The following TTLL7 variants were observed in gnomAD, a reference collection of about 807,000 sequenced individuals.
The protein encoded by TTLL7 is tubulin tyrosine ligase like 7.
In TTLL7, 53 loss-of-function variants were observed where a neutral mutation model predicts 120.2. That is an observed-to-expected ratio of 0.44 (90% CI 0.35 to 0.55). The LOEUF (loss-of-function observed/expected upper bound fraction) is 0.55. Ranked by LOEUF, TTLL7 falls within the 20% of genes least tolerant of loss-of-function variation. TTLL7 has a pLI of 0.00. For synonymous variants in TTLL7, 353 were observed against 351.7 expected (o/e 1.00, Z -0.04); for missense variants, 803 against 1,054.7 (o/e 0.76, Z 3.31).
chr1:83,964,800 A>G (rs28445286), intron 1 of TTLL7, among the ~76,000 whole-genome samples: 64,696 of 151,970 alleles, frequency 0.43, 15,373 homozygotes, highest in Non-Finnish European at 0.54. Context: ...TGATAAAATT[A>G]TACATGTAAC....
chr1:83,951,932 A>T lies in TTLL7; in HGVS notation c.70T>A (p.Tyr24Asn). 6.2e-7 allele frequency: 1 copy of T among 1,612,734 alleles called. No homozygotes were observed. The highest frequency in any genetic ancestry group is 8.5e-7 in the Non-Finnish European group (1 of 1,179,568). The change falls in exon 3 of 21, where the codon TAT (tyrosine) becomes AAT (asparagine). Residue 24 changes from tyrosine (Y) to asparagine (N), a missense_variant. By Grantham distance (143) the Tyr-to-Asn change is moderately radical. Transcript: ENST00000260505. ...ACTTTCCTTTTCATTGTGCTTTGAT[A>T]AGGTAATTCTGTATTCAAATCCAGG... ...SPLDLNTELP[Y>N]QSTMKRKVRK... is the part of the protein sequence containing the mutation.
chr1:83,984,415 C>T (rs1203999669), intron 1 of TTLL7: 5 of 152,220 alleles, frequency 3.3e-5, no homozygotes, highest in Admixed American at 6.5e-5. Context: ...AATCCCATTA[C>T]TGGATATATA....
chr1:83,981,948 A>G (rs970268657), intron 1 of TTLL7, among the ~76,000 whole-genome samples: 3 of 152,184 alleles, frequency 2.0e-5, no homozygotes, highest in African/African-American at 7.2e-5. Flanking sequence ...CAATACCATC[A>G]ACCAGTAGGC....
intron 18 of TTLL7, among the ~76,000 whole-genome samples, chr1:83,894,170 T>C (rs1201549552): frequency 6.6e-6 from 1 of 152,102 alleles, no homozygotes; most frequent in Non-Finnish European, 1.5e-5. Context: ...CCTTTCTACT[T>C]TCTGTCAATA....
At chr1:83,973,505 G>C (rs758241124) in intron 1 of TTLL7, among the ~76,000 whole-genome samples, 1 of 151,986 alleles carries the variant, frequency 6.6e-6, no homozygotes, top group Non-Finnish European at 1.5e-5. Flanking sequence ...GGTAGTGTCT[G>C]TCCTCCAACT....
chr1:83,977,315 A>T (rs1651579090), intron 1 of TTLL7, among the ~76,000 whole-genome samples: 3 of 152,120 alleles, frequency 2.0e-5, no homozygotes, highest in African/African-American at 7.2e-5. Flanking sequence ...AATTCCGGAG[A>T]CCATATACAC....
chr1:83,995,528 G>A (rs577081993), intron 1 of TTLL7, among the ~76,000 whole-genome samples: 1 of 151,694 alleles, frequency 6.6e-6, no homozygotes, highest in African/African-American at 2.4e-5. Flanking sequence ...ATGATTGGAC[G>A]CTTCCTAAGG....
At chr1:83,882,241 TAATAA>T (rs1374234116) in intron 20 of TTLL7, among the ~76,000 whole-genome samples, 1 of 149,244 alleles carries the variant, frequency 6.7e-6, no homozygotes, top group Non-Finnish European at 1.5e-5. Flanking sequence ...AGTATAATAA[TAATAA>T]AATAAAAATA....
At chr1:83,884,657 G>C in intron 19 of TTLL7, among the ~76,000 whole-genome samples, 1 of 147,416 alleles carries the variant, frequency 6.8e-6, no homozygotes, top group Non-Finnish European at 1.5e-5. Flanking sequence ...CTCACTCATA[G>C]GTGGGAATTG....
intron 18 of TTLL7, among the ~76,000 whole-genome samples, chr1:83,899,490 A>G (rs1169119473): frequency 6.6e-6 from 1 of 151,934 alleles, no homozygotes; most frequent in Non-Finnish European, 1.5e-5. Context: ...TGTAGTTAAG[A>G]CCAGCCCTTT....
At chr1:83,997,855 GTGC>G (rs1370668210) in intron 1 of TTLL7, among the ~76,000 whole-genome samples, 1 of 152,188 alleles carries the variant, frequency 6.6e-6, no homozygotes, top group Non-Finnish European at 1.5e-5. Flanking sequence ...TGCCAAAAAT[GTGC>G]TGAACATCTC....
chr1:83,933,632 T>C lies in TTLL7; in HGVS notation c.1023A>G (p.Arg341=). The change falls in exon 9 of 21, where the codon AGA becomes AGG. Residue 341 remains arginine (R), a synonymous_variant. Coordinates refer to ENST00000260505, the MANE Select transcript of TTLL7 (RefSeq NM_024686.6). ...EVLGFDILLD[R]KLKPWLLEIN... The stretch of plus-strand genomic sequence containing the variant: ...CCTCCAGAAGCCATGGCTTTAGTTT[T>C]CTATCCAACAAAATATCAAATCCCA... 6.2e-7 allele frequency: 1 copy of C among 1,613,616 alleles called. No individual in the cohort carries two copies. Among genetic ancestry groups the C allele is most frequent in the Non-Finnish European group, 8.5e-7 (1 of 1,179,698 alleles).
intron 10 of TTLL7, among the ~76,000 whole-genome samples, chr1:83,921,619 T>A (rs1223809226): frequency 1.3e-5 from 2 of 152,074 alleles, no homozygotes; most frequent in Non-Finnish European, 2.9e-5. Flanking sequence ...AAAATGGAAA[T>A]AGTGCATGTT....
At chr1:83,993,613 C>A (rs1653202224) in intron 1 of TTLL7, among the ~76,000 whole-genome samples, 1 of 152,130 alleles carries the variant, frequency 6.6e-6, no homozygotes, top group Non-Finnish European at 1.5e-5. Context: ...GCCCAGTGGA[C>A]CAACAATCTC....
intron 1 of TTLL7, among the ~76,000 whole-genome samples, chr1:83,993,340 A>G (rs984794828): frequency 1.3e-5 from 2 of 152,216 alleles, no homozygotes; most frequent in Non-Finnish European, 2.9e-5. Flanking sequence ...TAAAAAGTCA[A>G]CTTCACTACA....
intron 18 of TTLL7, among the ~76,000 whole-genome samples, chr1:83,894,947 G>A (rs1226351149): frequency 2.0e-5 from 3 of 152,036 alleles, no homozygotes; most frequent in Non-Finnish European, 4.4e-5. Flanking sequence ...AACAGACTGA[G>A]GGAACAGGAA....
intron 18 of TTLL7, among the ~76,000 whole-genome samples, chr1:83,895,166 C>T (rs933085938): frequency 2.0e-5 from 3 of 152,038 alleles, no homozygotes; most frequent in African/African-American, 7.2e-5. Context: ...ATTTTAATTT[C>T]CTGTTTAATT....
At chr1:83,953,443 G>GT (rs1649246628) in intron 1 of TTLL7, among the ~76,000 whole-genome samples, 1 of 151,938 alleles carries the variant, frequency 6.6e-6, no homozygotes, top group East Asian at 1.9e-4. Context: ...TACATAAAAC[G>GT]TGAGTCCTAT....
chr1:83,956,419 C>T (rs1194615557), intron 1 of TTLL7, among the ~76,000 whole-genome samples: 1 of 145,320 alleles, frequency 6.9e-6, no homozygotes, highest in Non-Finnish European at 1.5e-5. Context: ...GCTACTGCAC[C>T]TAGCCCACTT....
Sources: allele counts gnomAD v4.1 joint callset (sites outside exome capture counted in the v4.1 genomes callset), GRCh38; gene constraint gnomAD v4.1.1; transcripts MANE v1.5; gene names NCBI Gene and HGNC (gene_info 2026-07-23, HGNC 2026-07-21).